GPR78: variants seen among roughly 807,000 people sequenced by gnomAD.
The protein encoded by GPR78 is G protein-coupled receptor 78.
Under a neutral mutation model 17.9 loss-of-function variants are expected in GPR78, and 29 were observed. That is an observed-to-expected ratio of 1.62 (90% CI 1.20 to 2.21). GPR78 has a LOEUF of 2.21. Among genes scored for constraint, GPR78 ranks in the 30% most tolerant of loss-of-function variants. GPR78 has a pLI of 0.00. For synonymous variants in GPR78, 349 were observed against 256.9 expected, an observed-to-expected ratio of 1.36 and a Z score of -3.43; for missense variants, 649 against 530.5, an observed-to-expected ratio of 1.22 and a Z score of -2.19.
Position 8,580,744 on chromosome 4 carries a change from C to A in GPR78, c.-239C>A. 3.6e-6 allele frequency: 2 copies of A among 553,490 alleles called. No homozygotes were observed. The highest frequency in any genetic ancestry group is 3.1e-6 in the Non-Finnish European group (1 of 318,258). The allele number at this position is 553,490 out of a possible 1,614,324, so 34.3% of individuals were successfully genotyped here. On this transcript the variant is annotated 5_prime_UTR_variant, in exon 1 of 3. In the 5' UTR this introduces an upstream ATG that the reference lacks. Coordinates refer to ENST00000382487, the MANE Select transcript of GPR78 (RefSeq NM_080819.5). The stretch of plus-strand genomic sequence containing the variant: ...CACCCTGGACAGCACCGCGGTTGCG[C>A]TGCCTCCAGGGCGGCCCCGGGCTGC...
chr4:8,580,827 C>A lies in GPR78; in HGVS notation c.-156C>A. ...GTGCCCCGGACCCTGCACTTGCCGCCGCTTTCCTCGCGCTGCTCTGGACCT... is the reference window on the plus strand; with the variant it reads ...GTGCCCCGGACCCTGCACTTGCCGCAGCTTTCCTCGCGCTGCTCTGGACCT... On this transcript the variant is annotated 5_prime_UTR_variant, in exon 1 of 3. Transcript: ENST00000382487. 1 of 750,808 alleles carries A rather than the reference C, an allele frequency of 1.3e-6. No individual in the cohort carries two copies. Among genetic ancestry groups the A allele is most frequent in the East Asian group, 2.8e-5 (1 of 35,396 alleles). The allele number at this position is 750,808 out of a possible 1,614,324, so 46.5% of individuals were successfully genotyped here.
chr4:8,585,292 C>T (rs934767769), intron 2 of GPR78, among the ~76,000 whole-genome samples: 6 of 152,256 alleles, frequency 3.9e-5, no homozygotes, highest in Admixed American at 3.9e-4. Context: ...GAGTTCTGGT[C>T]CCATTGTGGC....
chr4:8,587,063 G>C lies in GPR78; in HGVS notation c.792G>C (p.Glu264Asp). 1 of 1,611,082 alleles carries C rather than the reference G, an allele frequency of 6.2e-7. No individual in the cohort carries two copies. Among genetic ancestry groups the C allele is most frequent in the East Asian group, 2.2e-5 (1 of 44,820 alleles). Residue 264 changes from glutamate (E) to aspartate (D), a missense_variant, in exon 3 of 3, where the codon GAG (glutamate) becomes GAC (aspartate). By Grantham distance (45) the Glu-to-Asp change is conservative (BLOSUM62 2). Coordinates refer to ENST00000382487, the MANE Select transcript of GPR78 (RefSeq NM_080819.5). ...TCCGCTTCCCCAACAGGCTGGCGGAGCTCGTGCCCTTCGTCACCGTGAACG... is the reference window on the plus strand; with the variant it reads ...TCCGCTTCCCCAACAGGCTGGCGGACCTCGTGCCCTTCGTCACCGTGAACG... ...FAPYVMTRLA[E>D]LVPFVTVNAQ... is the part of the protein sequence containing the mutation.
rs2109298625 is a variant in GPR78 at position 8,581,309 on chromosome 4, C to T, written c.327C>T (p.Gly109=). Reference sequence around the variant, plus strand: ...GCGCAGACCAGTGGCTGGCAGTGGGCTTCCCACTGCGCTACGCCGGACGCC... The same window carrying T: ...GCGCAGACCAGTGGCTGGCAGTGGGTTTCCCACTGCGCTACGCCGGACGCC... ...ALSADQWLAV[G]FPLRYAGRLR... is the part of the protein sequence containing the mutation. Residue 109 remains glycine (G), a synonymous_variant, in exon 1 of 3, where the codon GGC becomes GGT. Coordinates refer to ENST00000382487, the MANE Select transcript of GPR78 (RefSeq NM_080819.5). The T allele has an allele frequency of 2.5e-6, 4 of 1,583,224 alleles. No individual in the cohort carries two copies. The highest frequency in any genetic ancestry group is 3.4e-6 in the Non-Finnish European group (4 of 1,171,184).
At position 8,587,111 on chromosome 4, in the gene GPR78, G is replaced by A. The variant is rs1281533071; in HGVS notation, c.840G>A (p.Lys280=). 1 of 1,613,238 alleles carries A rather than the reference G, an allele frequency of 6.2e-7. No homozygotes were observed. The highest frequency in any genetic ancestry group is 1.7e-5 in the Admixed American group (1 of 60,002). The part of the protein sequence containing the change: ...TVNAQWGILS[K]CLTYSKAVAD... ...ACGCCCAGTGGGGCATCCTCAGCAA[G>A]TGCCTGACCTACAGCAAGGCGGTGG... The change falls in exon 3 of 3, where the codon AAG becomes AAA. Residue 280 remains lysine (K), a synonymous_variant. Coordinates refer to ENST00000382487, the MANE Select transcript of GPR78 (RefSeq NM_080819.5).
At chr4:8,584,429 G>A (rs1488848856) in intron 2 of GPR78, among the ~76,000 whole-genome samples, 1 of 152,236 alleles carries the variant, frequency 6.6e-6, no homozygotes, top group East Asian at 1.9e-4. Flanking sequence ...TCTCTTCTCT[G>A]TGAAAAATGT....
intron 2 of GPR78, among the ~76,000 whole-genome samples, chr4:8,584,696 C>T (rs990147134): frequency 3.9e-5 from 6 of 152,150 alleles, no homozygotes; most frequent in South Asian, 2.1e-4. Flanking sequence ...GCCTCACAGG[C>T]GCCTCTCACA....
rs191083519 is a variant in GPR78, at chr4:8,587,425, T to G, written c.*62T>G. The G allele has an allele frequency of 1.3e-6, 2 of 1,524,122 alleles. No homozygotes were observed. The highest frequency in any genetic ancestry group is 1.8e-6 in the Non-Finnish European group (2 of 1,119,980). 94.4% of individuals were successfully genotyped at this position (1,524,122 alleles called of 1,614,324 possible). A position where few individuals can be genotyped will look rare whatever the true frequency, so the allele number is the denominator to read the frequency against. The stretch of plus-strand genomic sequence containing the variant: ...AGCCCTGTGGAAAGGGCACTGGCCC[T>G]GCCACAGAGATGCCACTGGGGACCC... On this transcript the variant is annotated 3_prime_UTR_variant, in exon 3 of 3. Transcript: ENST00000382487.
In GPR78 at chr4:8,580,642, C is replaced by T. The variant is rs1713230395; in HGVS notation, c.-341C>T. ...GATACAGTGTTAGGAAAGAGACCTC[C>T]CTCGCCCCTACGCCCCGCGCCCCTG... is the stretch of plus-strand genomic sequence containing the variant. On this transcript the variant is annotated 5_prime_UTR_variant, in exon 1 of 3. Transcript: ENST00000382487. 2.5e-6 allele frequency: 1 copy of T among 399,314 alleles called. No homozygotes were observed. The highest frequency in any genetic ancestry group is 2.1e-5 in the African/African-American group (1 of 47,582). 24.7% of individuals were successfully genotyped at this position (399,314 alleles called of 1,614,324 possible).
rs1713236257 is a variant in GPR78 at position 8,580,739 on chromosome 4, T to C, written c.-244T>C. The stretch of plus-strand genomic sequence containing the variant: ...TTCAGCACCCTGGACAGCACCGCGG[T>C]TGCGCTGCCTCCAGGGCGGCCCCGG... On this transcript the variant is annotated 5_prime_UTR_variant, in exon 1 of 3. Transcript: ENST00000382487. The C allele has an allele frequency of 3.1e-5, 17 of 551,114 alleles. No homozygotes were observed. The East Asian group carries it at 5.0e-4, about 16-fold the overall frequency. 34.1% of individuals were successfully genotyped at this position (551,114 alleles called of 1,614,324 possible).
In GPR78 at chr4:8,581,251, C is replaced by A; in HGVS notation, c.269C>A (p.Ala90Glu). The stretch of plus-strand genomic sequence containing the variant: ...ATTGGCTTCCTGGACACCTTCCTGG[C>A]GTCCAACGCGGCGCTGAGCGTGGCG... The part of the protein sequence containing the change: ...QVIGFLDTFL[A>E]SNAALSVAAL... Residue 90 changes from alanine (A) to glutamate (E), a missense_variant, in exon 1 of 3, where the codon GCG becomes GAG. Physicochemically the swap from Ala to Glu is moderately radical, Grantham distance 107 (BLOSUM62 -1). Transcript: ENST00000382487. The A allele has an allele frequency of 6.3e-7, 1 of 1,592,480 alleles. No individual in the cohort carries two copies. The highest frequency in any genetic ancestry group is 8.5e-7 in the Non-Finnish European group (1 of 1,174,400).
At chr4:8,585,535 T>C (rs761954015) in intron 2 of GPR78, among the ~76,000 whole-genome samples, 17 of 152,140 alleles carry the variant, frequency 1.1e-4, no homozygotes, top group Non-Finnish European at 1.8e-4. Context: ...GGGCTCCCTG[T>C]ATGTGGGGGT....
rs1553873744 is a variant in GPR78, at chr4:8,581,153, G to A, written c.171G>A (p.Ala57=). ...CTCTGGGCCACCTGCTGCTGGCGGC[G>A]CTGGACATGCCCTTCACGCTGCTCG... ...NLSLGHLLLA[A]LDMPFTLLGV... Residue 57 remains alanine, a synonymous_variant, in exon 1 of 3, where the codon GCG becomes GCA. Transcript: ENST00000382487. The A allele has an allele frequency of 2.5e-6, 4 of 1,604,020 alleles. No homozygotes were observed. The South Asian group carries it at 3.3e-5, about 13-fold the overall frequency.
chr4:8,583,041 A>G (rs1713363008), intron 2 of GPR78: 1 of 183,750 alleles, frequency 5.4e-6, no homozygotes. Context: ...CGGGGCAGTA[A>G]CACTGCCAGG....
Position 8,581,285 on chromosome 4 carries a change from C to T in GPR78, c.303C>T (p.Ser101=), listed in dbSNP as rs1382866190. The change falls in exon 1 of 3, where the codon AGC becomes AGT. Residue 101 remains serine, a synonymous_variant. Coordinates refer to ENST00000382487, the MANE Select transcript of GPR78 (RefSeq NM_080819.5). ...CGGCGCTGAGCGTGGCGGCGCTGAG[C>T]GCAGACCAGTGGCTGGCAGTGGGCT... ...SNAALSVAAL[S]ADQWLAVGFP... 6.9e-6 allele frequency: 11 copies of T among 1,587,530 alleles called. No individual in the cohort carries two copies. Among genetic ancestry groups the T allele is most frequent in the African/African-American group, 2.7e-5 (2 of 74,732 alleles).
rs149764992 is a variant in GPR78, at chr4:8,587,502, G to A, written c.*139G>A. 0.012 allele frequency: 10,166 copies of A among 840,994 alleles called. 84 individuals carry two copies. Among genetic ancestry groups the A allele is most frequent in the Non-Finnish European group, 0.015 (8,202 of 542,436 alleles). 52.1% of individuals were successfully genotyped at this position (840,994 alleles called of 1,614,324 possible). On this transcript the variant is annotated 3_prime_UTR_variant, in exon 3 of 3. Coordinates refer to ENST00000382487, the MANE Select transcript of GPR78 (RefSeq NM_080819.5). ...CTAAGGCTGAAGTACAGGAGGAGGAGGAGGAGAGGGCCGGATGTGGGTGTG... is the reference window on the plus strand; with the variant it reads ...CTAAGGCTGAAGTACAGGAGGAGGAAGAGGAGAGGGCCGGATGTGGGTGTG...
In GPR78 at chr4:8,589,502, G is replaced by A. The variant is rs1034717350; in HGVS notation, c.*2139G>A. ...GGTGCCCCTGTGCTTATAAGGGAGG[G>A]CACGTGCACAGCAGAAGCAGGTTGT... On this transcript the variant is annotated 3_prime_UTR_variant, in exon 3 of 3. Coordinates refer to ENST00000382487, the MANE Select transcript of GPR78 (RefSeq NM_080819.5). Among the ~76,000 whole-genome samples the A allele has an allele frequency of 2.0e-5, 3 of 152,142 alleles. No individual in the cohort carries two copies. Among genetic ancestry groups the A allele is most frequent in the Non-Finnish European group, 4.4e-5 (3 of 68,018 alleles).
chr4:8,584,257 T>C (rs942131750), intron 2 of GPR78, among the ~76,000 whole-genome samples: 1 of 152,232 alleles, frequency 6.6e-6, no homozygotes, highest in African/African-American at 2.4e-5. Flanking sequence ...ACTGTTATTT[T>C]CCTGTGTGTT....
Position 8,587,475 on chromosome 4 carries a change from A to G in GPR78, c.*112A>G. The G allele has an allele frequency of 9.4e-7, 1 of 1,061,278 alleles. No individual in the cohort carries two copies. The highest frequency in any genetic ancestry group is 1.4e-6 in the Non-Finnish European group (1 of 729,918). The allele number at this position is 1,061,278 out of a possible 1,614,324, so 65.7% of individuals were successfully genotyped here. A position where few individuals can be genotyped will look rare whatever the true frequency, so the allele number is the denominator to read the frequency against. On this transcript the variant is annotated 3_prime_UTR_variant, in exon 3 of 3. Coordinates refer to ENST00000382487, the MANE Select transcript of GPR78 (RefSeq NM_080819.5). Reference sequence around the variant, plus strand: ...CCCAGACACCAGTGGCTTGACTTTGAGCTAAGGCTGAAGTACAGGAGGAGG... The same window carrying G: ...CCCAGACACCAGTGGCTTGACTTTGGGCTAAGGCTGAAGTACAGGAGGAGG...
Sources: allele counts gnomAD v4.1 joint callset (sites outside exome capture counted in the v4.1 genomes callset), GRCh38; gene constraint gnomAD v4.1.1; transcripts MANE v1.5; gene names NCBI Gene and HGNC (gene_info 2026-07-23, HGNC 2026-07-21).